Variants in SYK observed in about 807,000 individuals in gnomAD.
The protein encoded by SYK is tyrosine-protein kinase SYK.
A neutral mutation model predicts 77.8 loss-of-function variants in SYK; 16 were observed. The ratio of observed to expected loss-of-function variants is 0.21; its 90% confidence interval spans 0.14 to 0.31. The LOEUF (loss-of-function observed/expected upper bound fraction) is 0.31, where lower values mean the gene tolerates loss of function less well. Ranked by LOEUF, SYK falls within the 10% of genes least tolerant of loss-of-function variation. The pLI, the probability that SYK is intolerant of heterozygous loss-of-function variation, is 1.00. For missense variants in SYK, 529 were observed against 814.4 expected (o/e 0.65, Z 4.26); for synonymous variants, 312 against 308.7 (o/e 1.01, Z -0.11).
At chr9:90,874,358 AGTTG>A in intron 8 of SYK, 67 bp downstream of exon 8, 1 of 1,515,886 alleles carries the variant, frequency 6.6e-7, no homozygotes, top group South Asian at 1.1e-5. Flanking sequence ...AAGTTTGTAG[AGTTG>A]GTTCACGAAT....
intron 3 of SYK, among the ~76,000 whole-genome samples, chr9:90,848,400 A>G (rs1826680577): frequency 6.6e-6 from 1 of 152,224 alleles, no homozygotes; most frequent in Admixed American, 6.5e-5. Flanking sequence ...CTGTTGGGTC[A>G]GGCCAACGTT....
intron 1 of SYK, among the ~76,000 whole-genome samples, chr9:90,810,916 G>A (rs906006899): frequency 6.6e-6 from 1 of 152,162 alleles, no homozygotes; most frequent in African/African-American, 2.4e-5. Context: ...ACCAGGCGGG[G>A]GAGGTGCAGG....
chr9:90,865,891 C>CTTTTTTTTTTTTTTT (rs10680406), intron 6 of SYK, among the ~76,000 whole-genome samples: 3 of 61,264 alleles, frequency 4.9e-5, no homozygotes, highest in African/African-American at 7.1e-5. Flanking sequence ...TACATATGGC[C>CTTTTTTTTTTTTTTT]TTTTTTTTTT....
chr9:90,885,164 G>A (rs894398145), intron 11 of SYK, among the ~76,000 whole-genome samples: 1 of 151,468 alleles, frequency 6.6e-6, no homozygotes, highest in Non-Finnish European at 1.5e-5. Context: ...CAATTCTCCA[G>A]CAAAAAAATC....
intron 1 of SYK, among the ~76,000 whole-genome samples, chr9:90,826,909 C>G (rs1454722356): frequency 6.6e-6 from 1 of 152,044 alleles, no homozygotes; most frequent in Admixed American, 6.6e-5. Flanking sequence ...AGCTGGCACC[C>G]TTCTTTCCTC....
At chr9:90,809,670 C>G (rs1420068216) in intron 1 of SYK, among the ~76,000 whole-genome samples, 1 of 152,230 alleles carries the variant, frequency 6.6e-6, no homozygotes, top group African/African-American at 2.4e-5. Context: ...AGAGCTGAAG[C>G]TTTTATGCAT....
intron 1 of SYK, among the ~76,000 whole-genome samples, chr9:90,813,214 G>A (rs1300842066): frequency 6.6e-6 from 1 of 152,078 alleles, no homozygotes; most frequent in Non-Finnish European, 1.5e-5. Context: ...CTTGGTGTCT[G>A]TGGGTTGGCT....
Position 90,844,228 on chromosome 9 carries a change from C to G in SYK, c.330C>G (p.Pro110=), listed in dbSNP as rs2118637143. 1 of 1,614,206 alleles carries G rather than the reference C, an allele frequency of 6.2e-7. No individual in the cohort carries two copies. Among genetic ancestry groups the G allele is most frequent in the Non-Finnish European group, 8.5e-7 (1 of 1,180,012 alleles). Residue 110 remains proline, a synonymous_variant, in exon 2 of 14, where the codon CCC becomes CCG. Coordinates refer to ENST00000375754, the MANE Select transcript of SYK (RefSeq NM_003177.7). Reference sequence around the variant, plus strand: ...TCCTCAAGAAGCCCTTCAACCGGCCCCAAGGGGTGCAGCCCAAGACTGGGC... The same window carrying G: ...TCCTCAAGAAGCCCTTCAACCGGCCGCAAGGGGTGCAGCCCAAGACTGGGC... The part of the protein sequence containing the change: ...VCLLKKPFNR[P]QGVQPKTGPF...
At chr9:90,869,831 A>C (rs1351672154) in intron 7 of SYK, among the ~76,000 whole-genome samples, 1 of 152,196 alleles carries the variant, frequency 6.6e-6, no homozygotes, top group African/African-American at 2.4e-5. Flanking sequence ...CTTACTGCCA[A>C]GCACAGTGGC....
Position 90,854,009 on chromosome 9 carries a change from G to A in SYK, c.579-8197G>A, listed in dbSNP as rs151110452. ...GGAGGGAAGTGAAGCGGTGGATGCC[G>A]AGTGGGTGTGCAGGAGCCCGGGCAT... On this transcript the variant is annotated intron_variant, in intron 3 of 13. Coordinates refer to ENST00000375754, the MANE Select transcript of SYK (RefSeq NM_003177.7). 1.2e-4 allele frequency among the ~76,000 whole-genome samples: 18 copies of A among 152,266 alleles called. No homozygotes were observed. The East Asian group carries it at 2.1e-3, about 18-fold the overall frequency.
At chr9:90,850,342 C>G (rs1173225288) in intron 3 of SYK, among the ~76,000 whole-genome samples, 1 of 152,068 alleles carries the variant, frequency 6.6e-6, no homozygotes, top group Admixed American at 6.5e-5. Flanking sequence ...ATGGTGAAAC[C>G]CCATCTCTAC....
chr9:90,838,358 TA>T (rs928943843), intron 1 of SYK, among the ~76,000 whole-genome samples: 2 of 152,178 alleles, frequency 1.3e-5, no homozygotes, highest in African/African-American at 4.8e-5. Context: ...AATCATGATT[TA>T]AAGGGCTGCT....
intron 7 of SYK, among the ~76,000 whole-genome samples, chr9:90,873,391 T>A (rs187397974): frequency 1.3e-5 from 2 of 151,666 alleles, no homozygotes; most frequent in East Asian, 3.9e-4. Flanking sequence ...TGAATTAAAT[T>A]TAGTAGCAAG....
In SYK at chr9:90,874,201, T is replaced by C. The variant is rs370280172; in HGVS notation, c.916-3T>C. The stretch of plus-strand genomic sequence containing the variant: ...ACAACCTGTTGTCCTTTATGTACTT[T>C]AGTCCTCCCCTGCCCAAGGGAACCG... On this transcript the variant is annotated splice_region_variant and splice_polypyrimidine_tract_variant and intron_variant, in intron 7 of 13. Transcript: ENST00000375754. 1.4e-5 allele frequency: 23 copies of C among 1,613,748 alleles called. No homozygotes were observed. The Admixed American group carries it at 3.2e-4, about 22-fold the overall frequency.
chr9:90,848,474 A>C (rs1489858639), intron 3 of SYK, among the ~76,000 whole-genome samples: 1 of 152,178 alleles, frequency 6.6e-6, no homozygotes, highest in Non-Finnish European at 1.5e-5. Context: ...TAGTTTTATA[A>C]AATGCACATT....
intron 1 of SYK, among the ~76,000 whole-genome samples, chr9:90,814,657 A>C (rs1172525755): frequency 6.6e-6 from 1 of 152,084 alleles, no homozygotes; most frequent in Admixed American, 6.5e-5. Flanking sequence ...CCACTATTTC[A>C]TGTGTTGATA....
intron 5 of SYK, 147 bp downstream of exon 5, chr9:90,864,814 G>A (rs1827415701): frequency 4.0e-6 from 3 of 755,862 alleles, no homozygotes; most frequent in East Asian, 2.6e-5. Flanking sequence ...CTCCGATTTT[G>A]TATATCGTGA....
At chr9:90,833,178 C>G (rs1405646994) in intron 1 of SYK, among the ~76,000 whole-genome samples, 2 of 152,198 alleles carry the variant, frequency 1.3e-5, no homozygotes, top group African/African-American at 4.8e-5. Context: ...GTCAGCCACT[C>G]TGTGTGCAAG....
At chr9:90,842,283 G>A (rs1013896880) in intron 1 of SYK, among the ~76,000 whole-genome samples, 2 of 150,466 alleles carry the variant, frequency 1.3e-5, no homozygotes, top group Non-Finnish European at 3.0e-5. Flanking sequence ...CGTAGTGTGT[G>A]TGGCATGCAT....
Sources: allele counts gnomAD v4.1 joint callset (sites outside exome capture counted in the v4.1 genomes callset), GRCh38; gene constraint gnomAD v4.1.1; transcripts MANE v1.5; gene names NCBI Gene and HGNC (gene_info 2026-07-23, HGNC 2026-07-21).